Variants in SOX5 observed in about 807,000 individuals in gnomAD.
SOX5 encodes the protein transcription factor SOX-5.
SOX5 carries 9 observed loss-of-function variants against 92.0 expected under a neutral mutation model. The observed-to-expected ratio is 0.10, with a 90% CI of 0.06 to 0.17. SOX5 has a LOEUF of 0.17. Among genes scored for constraint, SOX5 ranks in the 10% least tolerant of loss-of-function variants. The pLI, the probability that SOX5 is intolerant of heterozygous loss-of-function variation, is 1.00. For synonymous variants in SOX5, 344 were observed against 336.3 expected (o/e 1.02, Z -0.25); for missense variants, 642 against 944.5 (o/e 0.68, Z 4.20).
At chr12:23,591,318 C>A (rs1329257971) in intron 9 of SOX5, among the ~76,000 whole-genome samples, 2 of 151,992 alleles carry the variant, frequency 1.3e-5, no homozygotes, top group East Asian at 3.9e-4. Context: ...TATTATAATG[C>A]AAACATTAAT....
At chr12:24,492,077 C>A (rs1469634438) in intron 1 of SOX5, among the ~76,000 whole-genome samples, 1 of 152,138 alleles carries the variant, frequency 6.6e-6, no homozygotes, top group Non-Finnish European at 1.5e-5. Context: ...CTAATAAAAT[C>A]TTTAAGCTTG....
chr12:24,063,036 C>T lies in SOX5; in HGVS notation c.-2+150307G>A, dbSNP rs573851128. 1.5e-4 allele frequency among the ~76,000 whole-genome samples: 23 copies of T among 152,258 alleles called. No homozygotes were observed. In the South Asian group the frequency reaches 4.8e-3, roughly 32 times the overall value. On this transcript the variant is annotated intron_variant, in intron 4 of 4. Coordinates refer to the SOX5 transcript ENST00000446891. Reference sequence around the variant, plus strand: ...ATATTGCATAATGTGTTATAATGTACCATGTGCCCATGGAAACATGAAATC... The same window carrying T: ...ATATTGCATAATGTGTTATAATGTATCATGTGCCCATGGAAACATGAAATC...
At chr12:24,021,668 G>A (rs1954306949) in intron 4 of SOX5, among the ~76,000 whole-genome samples, 3 of 152,082 alleles carry the variant, frequency 2.0e-5, no homozygotes, top group Non-Finnish European at 4.4e-5. Context: ...GAATCAGCAC[G>A]GTATCTTACG....
At chr12:24,200,948 T>G (rs1957456189) in intron 4 of SOX5, among the ~76,000 whole-genome samples, 1 of 152,160 alleles carries the variant, frequency 6.6e-6, no homozygotes, top group African/African-American at 2.4e-5. Context: ...CAAGGTTCCT[T>G]TGGATCTGAC....
intron 4 of SOX5, among the ~76,000 whole-genome samples, chr12:24,199,899 GAAGT>G (rs970337110): frequency 5.3e-5 from 8 of 151,860 alleles, no homozygotes; most frequent in South Asian, 2.1e-4. Flanking sequence ...TATTCTGACA[GAAGT>G]AAGTAAGTTC....
chr12:24,333,915 G>C (rs555443), intron 2 of SOX5, among the ~76,000 whole-genome samples: 122,206 of 150,176 alleles, frequency 0.81, 50,372 homozygotes, highest in Middle Eastern at 0.89. Context: ...GAAGCTATAT[G>C]GACTGAATTA....
At chr12:23,663,032 A>G (rs769698300) in intron 7 of SOX5, among the ~76,000 whole-genome samples, 1 of 152,196 alleles carries the variant, frequency 6.6e-6, no homozygotes, top group Non-Finnish European at 1.5e-5. Flanking sequence ...CGGTAATGGC[A>G]CAATTTCTTC....
intron 8 of SOX5, among the ~76,000 whole-genome samples, chr12:23,636,320 T>A (rs756993464): frequency 6.6e-6 from 1 of 152,154 alleles, no homozygotes; most frequent in Admixed American, 6.5e-5. Flanking sequence ...GTAAGGTGAT[T>A]TTTCTACATG....
chr12:24,149,983 ACTAAT>A (rs1951494237), intron 4 of SOX5, among the ~76,000 whole-genome samples: 1 of 152,296 alleles, frequency 6.6e-6, no homozygotes, highest in South Asian at 2.1e-4. Flanking sequence ...GAAAATGCAA[ACTAAT>A]CTATAGTGAC....
At chr12:23,974,441 A>C (rs1272947425) in intron 4 of SOX5, among the ~76,000 whole-genome samples, 3 of 152,094 alleles carry the variant, frequency 2.0e-5, no homozygotes, top group Non-Finnish European at 4.4e-5. Context: ...TTCTACTCTC[A>C]TTCCAATGTA....
At position 24,127,759 on chromosome 12, in the gene SOX5, C is replaced by A. The variant is rs909252345; in HGVS notation, c.-2+85584G>T. On this transcript the variant is annotated intron_variant, in intron 4 of 4. Transcript: ENST00000446891. ...ATGCCCCCTGCTTCCACCCCAATACCACCTCACCCCACCTGGGGAAGGGAA... is the reference window on the plus strand; with the variant it reads ...ATGCCCCCTGCTTCCACCCCAATACAACCTCACCCCACCTGGGGAAGGGAA... Among the ~76,000 whole-genome samples the A allele has an allele frequency of 5.3e-5, 8 of 152,158 alleles. No homozygotes were observed. In the East Asian group the frequency reaches 9.6e-4, roughly 18 times the overall value.
chr12:24,282,678 T>C (rs1458073069), intron 2 of SOX5, among the ~76,000 whole-genome samples: 4 of 152,188 alleles, frequency 2.6e-5, no homozygotes, highest in Non-Finnish European at 2.9e-5. Flanking sequence ...CTTAGATCCA[T>C]TACACTTCAT....
At chr12:24,208,559 C>T (rs1594275151) in intron 4 of SOX5, among the ~76,000 whole-genome samples, 1 of 152,192 alleles carries the variant, frequency 6.6e-6, no homozygotes, top group East Asian at 1.9e-4. Flanking sequence ...TCCTTTAAAG[C>T]CCAGCTCAAA....
intron 9 of SOX5, among the ~76,000 whole-genome samples, chr12:23,598,839 A>G (rs1952944888): frequency 6.6e-6 from 1 of 152,148 alleles, no homozygotes; most frequent in Non-Finnish European, 1.5e-5. Context: ...CCCACTTGGC[A>G]TTATAAAACA....
At chr12:23,795,197 G>T (rs1011523782) in intron 3 of SOX5, among the ~76,000 whole-genome samples, 9 of 151,918 alleles carry the variant, frequency 5.9e-5, no homozygotes, top group African/African-American at 2.2e-4. Context: ...AGGAATCAGT[G>T]TAGGTGGCAC....
chr12:23,757,345 A>G lies in SOX5; in HGVS notation c.482-1621T>C, dbSNP rs118190352. Among the ~76,000 whole-genome samples, 440 of 152,046 alleles carry G rather than the reference A, an allele frequency of 2.9e-3. 2 individuals carry two copies. Among genetic ancestry groups the G allele is most frequent in the Non-Finnish European group, 5.0e-3 (337 of 67,948 alleles). Reference sequence around the variant, plus strand: ...TTTTAAGTTTTCTTAAAATATCCCAATTTCTATATGGTATTGGTTCAGAAT... The same window carrying G: ...TTTTAAGTTTTCTTAAAATATCCCAGTTTCTATATGGTATTGGTTCAGAAT... On this transcript the variant is annotated intron_variant, in intron 3 of 14. Coordinates refer to ENST00000451604, the MANE Select transcript of SOX5 (RefSeq NM_006940.6).
In SOX5 at chr12:23,989,128, C is replaced by T. The variant is rs539642329; in HGVS notation, c.-1-93104G>A. 6.1e-5 allele frequency among the ~76,000 whole-genome samples: 9 copies of T among 148,578 alleles called. No individual in the cohort carries two copies. The East Asian group carries it at 1.2e-3, about 20-fold the overall frequency. ...TTGGCTCATGTCTGTAATCCCAGCA[C>T]TTTGGGAGGCCAAGGCAGGTAGATC... On this transcript the variant is annotated intron_variant, in intron 4 of 4. Transcript: ENST00000446891.
intron 4 of SOX5, among the ~76,000 whole-genome samples, chr12:24,058,618 T>C (rs545961159): frequency 1.3e-5 from 2 of 152,246 alleles, no homozygotes; most frequent in African/African-American, 4.8e-5. Flanking sequence ...AAGAAAAAAA[T>C]TCTGTAAGTA....
chr12:24,150,412 T>C (rs1034594147), intron 4 of SOX5, among the ~76,000 whole-genome samples: 3 of 152,162 alleles, frequency 2.0e-5, no homozygotes, highest in Admixed American at 2.0e-4. Context: ...GAAATTAAGC[T>C]GTTTGTGGTA....
Sources: allele counts gnomAD v4.1 joint callset (sites outside exome capture counted in the v4.1 genomes callset), GRCh38; gene constraint gnomAD v4.1.1; transcripts MANE v1.5; gene names NCBI Gene and HGNC (gene_info 2026-07-23, HGNC 2026-07-21).